Variants in ADAM12 observed in about 807,000 individuals in gnomAD.
The protein encoded by ADAM12 is disintegrin and metalloproteinase domain-containing protein 12.
A neutral mutation model predicts 106.4 loss-of-function variants in ADAM12; 70 were observed. That is an observed-to-expected ratio of 0.66 (90% CI 0.54 to 0.80). ADAM12 has a LOEUF of 0.80. ADAM12 is among the 30% of genes least tolerant of loss of function. ADAM12 has a pLI of 0.00. For missense variants in ADAM12, 1,010 were observed against 1,171.9 expected, an observed-to-expected ratio of 0.86 and a Z score of 2.02; for synonymous variants, 420 against 433.5, an observed-to-expected ratio of 0.97 and a Z score of 0.39.
At chr10:126,187,388 A>G (rs1051617697) in intron 3 of ADAM12, among the ~76,000 whole-genome samples, 1 of 151,980 alleles carries the variant, frequency 6.6e-6, no homozygotes, top group Non-Finnish European at 1.5e-5. Context: ...TGCTGGGGGC[A>G]TTTCAGTAAA....
At chr10:126,291,187 TGTCA>T (rs766096625) in intron 2 of ADAM12, among the ~76,000 whole-genome samples, 128 of 152,306 alleles carry the variant, frequency 8.4e-4, no homozygotes, top group Non-Finnish European at 1.6e-3. Context: ...ATTTCAAAAC[TGTCA>T]GTCAGGGGAA....
At chr10:126,233,763 G>A (rs1467547074) in intron 3 of ADAM12, among the ~76,000 whole-genome samples, 1 of 152,160 alleles carries the variant, frequency 6.6e-6, no homozygotes, top group Non-Finnish European at 1.5e-5. Flanking sequence ...ATATTTTAAG[G>A]TGAGTCCCAC....
At chr10:126,055,939 A>G (rs1288786989) in intron 14 of ADAM12, among the ~76,000 whole-genome samples, 1 of 152,192 alleles carries the variant, frequency 6.6e-6, no homozygotes, top group Non-Finnish European at 1.5e-5. Flanking sequence ...GGCAGCAGAT[A>G]TTTGTATGCT....
intron 3 of ADAM12, among the ~76,000 whole-genome samples, chr10:126,162,874 T>C (rs903558869): frequency 3.9e-5 from 6 of 152,200 alleles, no homozygotes; most frequent in African/African-American, 1.4e-4. Flanking sequence ...TCACATTGAA[T>C]TGTAATCCCC....
intron 3 of ADAM12, among the ~76,000 whole-genome samples, chr10:126,182,347 T>A (rs1447127561): frequency 6.6e-6 from 1 of 152,140 alleles, no homozygotes; most frequent in Non-Finnish European, 1.5e-5. Context: ...TAAAAACACA[T>A]TTATAGTCTC....
chr10:126,170,357 G>A (rs1362684994), intron 3 of ADAM12, among the ~76,000 whole-genome samples: 1 of 151,996 alleles, frequency 6.6e-6, no homozygotes, highest in Non-Finnish European at 1.5e-5. Context: ...GGCCCACGGA[G>A]CAGTTCAATT....
chr10:126,341,482 T>A (rs965079751), intron 1 of ADAM12, among the ~76,000 whole-genome samples: 1 of 152,218 alleles, frequency 6.6e-6, no homozygotes, highest in Non-Finnish European at 1.5e-5. Context: ...CAATGTCTGA[T>A]CCCTCACAGG....
chr10:126,300,050 T>A (rs1467814326), intron 2 of ADAM12, among the ~76,000 whole-genome samples: 1 of 152,252 alleles, frequency 6.6e-6, no homozygotes, highest in Non-Finnish European at 1.5e-5. Context: ...CTTTGTAGAA[T>A]AAAAATATCT....
At chr10:126,322,426 C>T (rs1402810094) in intron 2 of ADAM12, among the ~76,000 whole-genome samples, 1 of 152,170 alleles carries the variant, frequency 6.6e-6, no homozygotes, top group Non-Finnish European at 1.5e-5. Context: ...AATTTTACAC[C>T]CCAGGGGCCA....
chr10:126,271,864 T>C (rs1959178664), intron 3 of ADAM12, among the ~76,000 whole-genome samples: 1 of 152,228 alleles, frequency 6.6e-6, no homozygotes, highest in African/African-American at 2.4e-5. Flanking sequence ...TCAAGATCCT[T>C]ATCAGGACAC....
At position 126,046,094 on chromosome 10, in the gene ADAM12, A is replaced by G. The variant is rs1181903913; in HGVS notation, c.1956T>C (p.Phe652=). Residue 652 remains phenylalanine, a synonymous_variant, in exon 17 of 23, where the codon TTT becomes TTC. Coordinates refer to ENST00000448723, the MANE Select transcript of ADAM12 (RefSeq NM_001288973.2). ...LNRQCQNISV[F]GVHECAMQCH... Reference sequence around the variant, plus strand: ...ACTGCATTGCACACTCGTGAACCCCAAAGACACTAATATTTTGACATTGAC... The same window carrying G: ...ACTGCATTGCACACTCGTGAACCCCGAAGACACTAATATTTTGACATTGAC... 4 of 1,614,100 alleles carry G rather than the reference A, an allele frequency of 2.5e-6. No individual in the cohort carries two copies. The highest frequency in any genetic ancestry group is 3.4e-6 in the Non-Finnish European group (4 of 1,180,034).
chr10:126,251,373 C>T (rs1958743164), intron 3 of ADAM12, among the ~76,000 whole-genome samples: 1 of 152,072 alleles, frequency 6.6e-6, no homozygotes. Flanking sequence ...AGGAAGCAGG[C>T]TTAAAGAAGT....
At chr10:126,104,775 C>A (rs1283974176) in intron 8 of ADAM12, among the ~76,000 whole-genome samples, 1 of 152,154 alleles carries the variant, frequency 6.6e-6, no homozygotes, top group Non-Finnish European at 1.5e-5. Flanking sequence ...ATCACTAAAC[C>A]ACTCGTCTGT....
chr10:126,201,155 C>T (rs537680406), intron 3 of ADAM12, among the ~76,000 whole-genome samples: 8 of 152,248 alleles, frequency 5.3e-5, no homozygotes, highest in African/African-American at 1.9e-4. Flanking sequence ...ATGATGTGTG[C>T]CGTGGGTTGA....
chr10:126,086,707 AAAATAAAATAGG>A (rs1955364059), intron 11 of ADAM12, among the ~76,000 whole-genome samples: 2 of 92,936 alleles, frequency 2.2e-5, no homozygotes, highest in East Asian at 3.4e-4. Flanking sequence ...ATATATATAT[AAAATAAAATAGG>A]TATAGTCATG....
At chr10:126,234,021 T>C (rs1256619296) in intron 3 of ADAM12, among the ~76,000 whole-genome samples, 1 of 152,210 alleles carries the variant, frequency 6.6e-6, no homozygotes, top group Non-Finnish European at 1.5e-5. Flanking sequence ...AAAGATAGCA[T>C]AAGCTGGCTG....
intron 1 of ADAM12, among the ~76,000 whole-genome samples, chr10:126,386,640 C>T (rs753751043): frequency 6.6e-6 from 1 of 152,096 alleles, no homozygotes; most frequent in Non-Finnish European, 1.5e-5. Flanking sequence ...AAATAATTTC[C>T]CATTATTAGC....
chr10:126,321,973 A>C (rs1365488365), intron 2 of ADAM12, among the ~76,000 whole-genome samples: 2 of 151,406 alleles, frequency 1.3e-5, no homozygotes, highest in African/African-American at 4.8e-5. Context: ...GGGGGCATCC[A>C]GCGAGCTGAT....
chr10:126,193,933 T>C (rs901465116), intron 3 of ADAM12, among the ~76,000 whole-genome samples: 2 of 137,630 alleles, frequency 1.5e-5, no homozygotes, highest in African/African-American at 2.9e-5. Context: ...TAAAATAAAA[T>C]AAAATAAAAT....
Sources: allele counts gnomAD v4.1 joint callset (sites outside exome capture counted in the v4.1 genomes callset), GRCh38; gene constraint gnomAD v4.1.1; transcripts MANE v1.5; gene names NCBI Gene and HGNC (gene_info 2026-07-23, HGNC 2026-07-21).